The following ZNF304 variants were observed in gnomAD, a reference collection of about 807,000 sequenced individuals.
ZNF304 encodes zinc finger protein 304.
Under a neutral mutation model 7.8 loss-of-function variants are expected in ZNF304, and 7 were observed. That is an observed-to-expected ratio of 0.90 (90% confidence interval 0.51 to 1.69). The LOEUF (loss-of-function observed/expected upper bound fraction) is 1.69. ZNF304 is among the 40% of genes most tolerant of loss of function. The pLI is 0.00. For synonymous variants in ZNF304, 280 were observed against 272.4 expected, an observed-to-expected ratio of 1.03 and a Z score of -0.27; for missense variants, 669 against 804.8, an observed-to-expected ratio of 0.83 and a Z score of 2.04.
Position 57,357,597 on chromosome 19 carries a change from A to G in ZNF304, c.1728A>G (p.Gln576=), listed in dbSNP as rs776780278. 4.3e-6 allele frequency: 7 copies of G among 1,613,754 alleles called. No homozygotes were observed. In the African/African-American group the frequency reaches 9.4e-5, roughly 22 times the overall value. ...KAYISSSHLV[Q]HKKVHTGARP... ...ACATTAGTAGCTCCCACCTTGTTCAACACAAGAAAGTTCACACTGGAGCAA... is the reference window on the plus strand; with the variant it reads ...ACATTAGTAGCTCCCACCTTGTTCAGCACAAGAAAGTTCACACTGGAGCAA... The change falls in exon 3 of 3, where the codon CAA becomes CAG. Residue 576 remains glutamine, a synonymous_variant. Transcript: ENST00000282286.
At chr19:57,355,955 GAC>G in intron 2 of ZNF304, 73 bp from the exon 3 acceptor site, 1 of 1,510,190 alleles carries the variant, frequency 6.6e-7, no homozygotes, top group South Asian at 1.3e-5. Context: ...ACTGGTGTTA[GAC>G]ACACATTTGT....
chr19:57,356,846 A>G lies in ZNF304; in HGVS notation c.977A>G (p.Gln326Arg). The change falls in exon 3 of 3, where the codon CAG (glutamine) becomes CGG (arginine). Residue 326 changes from glutamine (Q) to arginine (R), a missense_variant. Coordinates refer to ENST00000282286, the MANE Select transcript of ZNF304 (RefSeq NM_020657.4). ...CGCAAGGACACACTTGTTCAGCATC[A>G]GAGAGTTCACACTGGAGAAAGATCT... The part of the protein sequence containing the change: ...FSRKDTLVQH[Q>R]RVHTGERSYD... 6.2e-7 allele frequency: 1 copy of G among 1,614,194 alleles called. No homozygotes were observed.
rs771674428 is a variant in ZNF304, at chr19:57,356,866, A to G, written c.997A>G (p.Arg333Gly). The G allele has an allele frequency of 1.2e-6, 2 of 1,614,014 alleles. No individual in the cohort carries two copies. Among genetic ancestry groups the G allele is most frequent in the African/African-American group, 1.3e-5 (1 of 74,902 alleles). The change falls in exon 3 of 3, where the codon AGA becomes GGA. Residue 333 changes from arginine to glycine, a missense_variant. Physicochemically the swap from Arg to Gly is moderately radical, Grantham distance 125 (BLOSUM62 -2). Coordinates refer to ENST00000282286, the MANE Select transcript of ZNF304 (RefSeq NM_020657.4). The part of the protein sequence containing the change: ...VQHQRVHTGE[R>G]SYDCSECGKA... ...GCATCAGAGAGTTCACACTGGAGAA[A>G]GATCTTATGACTGCAGTGAATGTGG... is the stretch of plus-strand genomic sequence containing the variant.
chr19:57,352,293 C>T lies in ZNF304; in HGVS notation c.33+596C>T, dbSNP rs564325202. On this transcript the variant is annotated intron_variant, in intron 1 of 2. Transcript: ENST00000282286. ...TGATATCCTGGGATTCTTCACATGA[C>T]TGTCTTCACTTGAGACAGGGGGCAG... Among the ~76,000 whole-genome samples, 6 of 152,316 alleles carry T rather than the reference C, an allele frequency of 3.9e-5. No homozygotes were observed. In the South Asian group the frequency reaches 1.2e-3, roughly 32 times the overall value.
rs1600066590 is a variant in ZNF304 at position 57,355,498 on chromosome 19, C to T, written c.161-532C>T. 14 of 661,370 alleles carry T rather than the reference C, an allele frequency of 2.1e-5. No homozygotes were observed. The East Asian group carries it at 3.5e-4, about 17-fold the overall frequency. The allele number at this position is 661,370 out of a possible 1,614,324, so 41.0% of individuals were successfully genotyped here. On this transcript the variant is annotated intron_variant, in intron 2 of 2. Transcript: ENST00000282286. ...GTTGCCAAGGCCCATAGTGATTCTTCACATCTACTTTACTTTCCTCATTCT... is the reference window on the plus strand; with the variant it reads ...GTTGCCAAGGCCCATAGTGATTCTTTACATCTACTTTACTTTCCTCATTCT...
chr19:57,357,133 A>G lies in ZNF304; in HGVS notation c.1264A>G (p.Ile422Val), dbSNP rs1600068310. 7 of 1,613,314 alleles carry G rather than the reference A, an allele frequency of 4.3e-6. No individual in the cohort carries two copies. Among genetic ancestry groups the G allele is most frequent in the Non-Finnish European group, 5.9e-6 (7 of 1,179,458 alleles). ...IHTGARPYECIECGKFFSHNS... is the reference protein window; with the variant it reads ...IHTGARPYECVECGKFFSHNS... ...TACCGGGGCAAGGCCCTATGAATGCATAGAATGTGGAAAATTCTTTAGCCA... is the reference window on the plus strand; with the variant it reads ...TACCGGGGCAAGGCCCTATGAATGCGTAGAATGTGGAAAATTCTTTAGCCA... Residue 422 changes from isoleucine (I) to valine (V), a missense_variant, in exon 3 of 3, where the codon ATA becomes GTA. Physicochemically the swap from Ile to Val is conservative, Grantham distance 29 (BLOSUM62 3). Transcript: ENST00000282286.
chr19:57,354,174 T>C (rs1261019328), intron 2 of ZNF304, among the ~76,000 whole-genome samples: 3 of 152,042 alleles, frequency 2.0e-5, no homozygotes, highest in Non-Finnish European at 4.4e-5. Flanking sequence ...CACGCCCGGC[T>C]ATTTTACTTT....
Position 57,351,708 on chromosome 19 carries a change from G to A in ZNF304, c.33+11G>A, listed in dbSNP as rs756385559. On this transcript the variant is annotated intron_variant, in intron 1 of 2. Coordinates refer to ENST00000282286, the MANE Select transcript of ZNF304 (RefSeq NM_020657.4). The surrounding 1 kb of genome is among the most constrained non-coding windows in gnomAD (Gnocchi z 4.1). ...ATGGACCGGGTTCAGGTGAGTGGGGGCATCCCTCAAGCGCACCCCGGCCTG... is the reference window on the plus strand; with the variant it reads ...ATGGACCGGGTTCAGGTGAGTGGGGACATCCCTCAAGCGCACCCCGGCCTG... The A allele has an allele frequency of 5.0e-6, 8 of 1,610,470 alleles. No individual in the cohort carries two copies. The highest frequency in any genetic ancestry group is 1.7e-4 in the Middle Eastern group (1 of 6,048).
intron 1 of ZNF304, among the ~76,000 whole-genome samples, chr19:57,353,251 T>G (rs2088297096): frequency 1.3e-5 from 2 of 152,062 alleles, no homozygotes; most frequent in South Asian, 4.1e-4. Context: ...AGGGATGTCA[T>G]GGAGGTGCAT....
In ZNF304 at chr19:57,351,540, G is replaced by C. The variant is rs2088273781; in HGVS notation, c.-125G>C. ...CCCCAGAAGCAGCCGCCTTAGTCTT[G>C]TGAGCGTTTTTACACCGGGTAGATT... On this transcript the variant is annotated 5_prime_UTR_variant, in exon 1 of 3. Transcript: ENST00000282286. The surrounding 1 kb of genome is among the most constrained non-coding windows in gnomAD (Gnocchi z 4.1). 8.2e-7 allele frequency: 1 copy of C among 1,226,756 alleles called. No homozygotes were observed. Among genetic ancestry groups the C allele is most frequent in the Middle Eastern group, 1.9e-4 (1 of 5,290 alleles). The allele number at this position is 1,226,756 out of a possible 1,614,324, so 76.0% of individuals were successfully genotyped here.
At chr19:57,353,578 A>T in intron 1 of ZNF304, 147 bp from the exon 2 acceptor site, 1 of 1,069,848 alleles carries the variant, frequency 9.3e-7, no homozygotes, top group Non-Finnish European at 1.3e-6. Flanking sequence ...AGCAGACACT[A>T]GTGGTGCCAA....
chr19:57,352,462 T>C (rs2122974444), intron 1 of ZNF304, among the ~76,000 whole-genome samples: 1 of 152,238 alleles, frequency 6.6e-6, no homozygotes, highest in South Asian at 2.1e-4. Flanking sequence ...CTCAAATGCT[T>C]GTAGGATTGA....
chr19:57,357,612 C>T lies in ZNF304; in HGVS notation c.1743C>T (p.His581=), dbSNP rs763593982. 2 of 1,614,212 alleles carry T rather than the reference C, an allele frequency of 1.2e-6. No individual in the cohort carries two copies. Among genetic ancestry groups the T allele is most frequent in the Non-Finnish European group, 1.7e-6 (2 of 1,180,024 alleles). Residue 581 remains histidine, a synonymous_variant, in exon 3 of 3, where the codon CAC becomes CAT. Transcript: ENST00000282286. The part of the protein sequence containing the change: ...SSHLVQHKKV[H]TGARPYECSE... ...ACCTTGTTCAACACAAGAAAGTTCA[C>T]ACTGGAGCAAGACCTTATGAGTGCA...
chr19:57,358,988 G>T lies in ZNF304; in HGVS notation c.*1139G>T, dbSNP rs1735018344. ...GCTACAGAAGCACTGAGATAATGGA[G>T]TGGGGATGACTGTGGCAAACAAAAG... is the stretch of plus-strand genomic sequence containing the variant. On this transcript the variant is annotated 3_prime_UTR_variant, in exon 3 of 3. Transcript: ENST00000282286. 1 of 152,182 alleles carries T rather than the reference G, an allele frequency of 6.6e-6. No individual in the cohort carries two copies. The highest frequency in any genetic ancestry group is 1.5e-5 in the Non-Finnish European group (1 of 68,048). The allele number at this position is 152,182 out of a possible 1,614,324, so 9.4% of individuals were successfully genotyped here. A position where few individuals can be genotyped will look rare whatever the true frequency, so the allele number is the denominator to read the frequency against.
chr19:57,357,505 C>G lies in ZNF304; in HGVS notation c.1636C>G (p.Leu546Val). 6.2e-7 allele frequency: 1 copy of G among 1,613,568 alleles called. No homozygotes were observed. The highest frequency in any genetic ancestry group is 8.5e-7 in the Non-Finnish European group (1 of 1,179,600). The change falls in exon 3 of 3, where the codon CTC becomes GTC. Residue 546 changes from leucine to valine, a missense_variant. Leu to Val is a conservative substitution (Grantham distance 32, BLOSUM62 1). Transcript: ENST00000282286. ...GAAATGCTTTAGCCACAACTCCAGCCTCATTTTGCACCAGAGAGTTCACAC... is the reference window on the plus strand; with the variant it reads ...GAAATGCTTTAGCCACAACTCCAGCGTCATTTTGCACCAGAGAGTTCACAC... ...CGKCFSHNSS[L>V]ILHQRVHTGA...
At position 57,356,179 on chromosome 19, in the gene ZNF304, C is replaced by G. The variant is rs1187543900; in HGVS notation, c.310C>G (p.Leu104Val). Residue 104 changes from leucine to valine, a missense_variant, in exon 3 of 3, where the codon CTG becomes GTG. Coordinates refer to ENST00000282286, the MANE Select transcript of ZNF304 (RefSeq NM_020657.4). Reference sequence around the variant, plus strand: ...CCCACTCTTGAAAGACATTTTGCACCTGGCTGAACACCAGGGATCACACCT... The same window carrying G: ...CCCACTCTTGAAAGACATTTTGCACGTGGCTGAACACCAGGGATCACACCT... ...CDPLLKDILH[L>V]AEHQGSHLTQ... 6.2e-7 allele frequency: 1 copy of G among 1,614,120 alleles called. No individual in the cohort carries two copies. The highest frequency in any genetic ancestry group is 8.5e-7 in the Non-Finnish European group (1 of 1,180,052).
In ZNF304 at chr19:57,357,600, C is replaced by G. The variant is rs764889746; in HGVS notation, c.1731C>G (p.His577Gln). The G allele has an allele frequency of 6.2e-7, 1 of 1,614,220 alleles. No individual in the cohort carries two copies. ...AYISSSHLVQ[H>Q]KKVHTGARPY... The stretch of plus-strand genomic sequence containing the variant: ...TTAGTAGCTCCCACCTTGTTCAACA[C>G]AAGAAAGTTCACACTGGAGCAAGAC... Residue 577 changes from histidine (H) to glutamine (Q), a missense_variant, in exon 3 of 3, where the codon CAC becomes CAG. Physicochemically the swap from His to Gln is conservative, Grantham distance 24. Transcript: ENST00000282286.
intron 2 of ZNF304, chr19:57,355,310 G>A: frequency 1.3e-6 from 1 of 765,304 alleles, no homozygotes; most frequent in Non-Finnish European, 2.4e-6. Context: ...GCAGTTGGAG[G>A]GGGCAGAAAA....
rs2088364167 is a variant in ZNF304 at position 57,357,629 on chromosome 19, A to T, written c.1760A>T (p.Tyr587Phe). Residue 587 changes from tyrosine to phenylalanine, a missense_variant, in exon 3 of 3, where the codon TAT becomes TTT. Coordinates refer to ENST00000282286, the MANE Select transcript of ZNF304 (RefSeq NM_020657.4). ...AAAGTTCACACTGGAGCAAGACCTTATGAGTGCAGTGAATGTGGGAAATTC... is the reference window on the plus strand; with the variant it reads ...AAAGTTCACACTGGAGCAAGACCTTTTGAGTGCAGTGAATGTGGGAAATTC... ...HKKVHTGARP[Y>F]ECSECGKFFS... 6.2e-7 allele frequency: 1 copy of T among 1,614,228 alleles called. No homozygotes were observed.
Sources: allele counts gnomAD v4.1 joint callset (sites outside exome capture counted in the v4.1 genomes callset), GRCh38; gene constraint gnomAD v4.1.1; non-coding constraint Gnocchi (gnomAD v3.1); transcripts MANE v1.5; gene names NCBI Gene and HGNC (gene_info 2026-07-23, HGNC 2026-07-21).